Variants in GABRR3 observed in about 807,000 individuals in gnomAD.
GABRR3 encodes the protein gamma-aminobutyric acid type A receptor subunit rho3.
A neutral mutation model predicts 43.2 loss-of-function variants in GABRR3; 29 were observed. That is an observed-to-expected ratio of 0.67 (90% CI 0.50 to 0.92). GABRR3 has a LOEUF of 0.92. Among genes scored for constraint, GABRR3 ranks in the 40% least tolerant of loss-of-function variants. GABRR3 has a pLI of 0.00. For missense variants in GABRR3, 576 were observed against 572.3 expected (o/e 1.01, Z -0.07); for synonymous variants, 206 against 195.9 (o/e 1.05, Z -0.43).
At chr3:98,022,080 G>A (rs832037) in intron 3 of GABRR3, among the ~76,000 whole-genome samples, 117,710 of 152,080 alleles carry the variant, frequency 0.77, 45,969 homozygotes, top group East Asian at 0.99. Context: ...CAAAGACTGT[G>A]CAAGCAGCTT....
chr3:98,010,417 A>G (rs1300601446), intron 5 of GABRR3, among the ~76,000 whole-genome samples: 2 of 152,284 alleles, frequency 1.3e-5, no homozygotes, highest in Non-Finnish European at 2.9e-5. Flanking sequence ...CCACATAGTA[A>G]TGACTGACCA....
intron 2 of GABRR3, among the ~76,000 whole-genome samples, chr3:98,033,514 G>T (rs1707116723): frequency 6.6e-6 from 1 of 152,104 alleles, no homozygotes; most frequent in Non-Finnish European, 1.5e-5. Context: ...TAGCAACTCT[G>T]CCACTGATAG....
intron 9 of GABRR3, among the ~76,000 whole-genome samples, chr3:97,989,273 A>G: frequency 1.7e-5 from 2 of 120,890 alleles, no homozygotes; most frequent in African/African-American, 3.2e-5. Flanking sequence ...GGTGGTGGGG[A>G]TGGTGGTGGT....
chr3:98,016,879 A>G (rs1172156399), intron 4 of GABRR3, among the ~76,000 whole-genome samples: 1 of 152,224 alleles, frequency 6.6e-6, no homozygotes, highest in East Asian at 1.9e-4. Flanking sequence ...GGGAATAGAG[A>G]AAATAAAATG....
At chr3:97,989,725 C>T (rs181233416) in intron 9 of GABRR3, among the ~76,000 whole-genome samples, 47 of 152,064 alleles carry the variant, frequency 3.1e-4, no homozygotes, top group Admixed American at 1.6e-3. Flanking sequence ...CATTGGTGTC[C>T]AGGTCTTTTC....
chr3:98,022,857 A>G (rs1018818133), intron 3 of GABRR3, among the ~76,000 whole-genome samples: 1 of 152,198 alleles, frequency 6.6e-6, no homozygotes, highest in African/African-American at 2.4e-5. Flanking sequence ...AGTATTTTTA[A>G]AAAAATGCAT....
chr3:98,000,371 G>C (rs1298352275), intron 8 of GABRR3: 1 of 152,118 alleles, frequency 6.6e-6, no homozygotes, highest in Non-Finnish European at 1.5e-5. Flanking sequence ...TATAGACTGA[G>C]TGCTTTCCTC....
chr3:97,994,504 T>C (rs1706510150), intron 8 of GABRR3, among the ~76,000 whole-genome samples: 1 of 152,284 alleles, frequency 6.6e-6, no homozygotes, highest in East Asian at 1.9e-4. Flanking sequence ...CCCCCAACAA[T>C]GGTACTATCA....
At chr3:98,009,179 G>T in intron 5 of GABRR3, 141 bp from the exon 6 acceptor site, 1 of 556,390 alleles carries the variant, frequency 1.8e-6, no homozygotes, top group Non-Finnish European at 3.2e-6. Context: ...ATTATCTTCT[G>T]TCCAAATGAC....
intron 7 of GABRR3, among the ~76,000 whole-genome samples, chr3:98,004,931 A>AT (rs1706705043): frequency 6.6e-6 from 1 of 152,104 alleles, no homozygotes; most frequent in South Asian, 2.1e-4. Context: ...ATGTTTAATG[A>AT]TTCGTGGATA....
chr3:97,985,990 C>A (rs1192774118), downstream of GABRR3, among the ~76,000 whole-genome samples: 1 of 152,080 alleles, frequency 6.6e-6, no homozygotes, highest in Non-Finnish European at 1.5e-5. Context: ...CCTCAGCCTC[C>A]CAAGTAGCAC....
chr3:97,989,859 A>G (rs1271931624), intron 9 of GABRR3, among the ~76,000 whole-genome samples: 1 of 152,156 alleles, frequency 6.6e-6, no homozygotes, highest in Non-Finnish European at 1.5e-5. Flanking sequence ...CCTCCTGCTC[A>G]CAGACCTAAG....
intron 7 of GABRR3, among the ~76,000 whole-genome samples, chr3:98,004,592 C>A (rs1297472990): frequency 6.7e-6 from 1 of 150,278 alleles, no homozygotes; most frequent in African/African-American, 2.5e-5. Flanking sequence ...AGAAAGGGAT[C>A]AGGAGGCAGA....
intron 7 of GABRR3, among the ~76,000 whole-genome samples, chr3:98,003,281 ATAAGGAAAACC>A (rs1361146259): frequency 6.6e-6 from 1 of 152,176 alleles, no homozygotes; most frequent in African/African-American, 2.4e-5. Flanking sequence ...GTTAAAAGAA[ATAAGGAAAACC>A]TGTGAAAGAA....
At chr3:98,007,875 A>G in exon 7 of GABRR3, 2 of 1,595,902 alleles carry the variant, frequency 1.3e-6, no homozygotes, top group South Asian at 1.1e-5. Context: ...TGTTTCCAGT[A>G]TAGCATTAGG....
chr3:97,993,751 CT>C (rs1217442512), intron 8 of GABRR3, among the ~76,000 whole-genome samples: 1 of 151,936 alleles, frequency 6.6e-6, no homozygotes, highest in African/African-American at 2.4e-5. Context: ...CCTCCCTTCC[CT>C]CCCCCTCTTC....
At chr3:98,008,002 C>T (rs1706744047) in intron 6 of GABRR3, 98 bp from the exon 7 acceptor site, 7 of 962,288 alleles carry the variant, frequency 7.3e-6, no homozygotes, top group Non-Finnish European at 1.1e-5. Context: ...TCCTTAGTGC[C>T]TACTCCAATG....
Position 98,012,548 on chromosome 3 carries a change from T to TA in GABRR3, c.325dup (p.Tyr109LeufsTer15). 6.2e-7 allele frequency: 1 copy of TA among 1,613,300 alleles called. No homozygotes were observed. The highest frequency in any genetic ancestry group is 8.5e-7 in the Non-Finnish European group (1 of 1,179,690). On this transcript the variant is annotated frameshift_variant, in exon 5 of 10. Coordinates refer to ENST00000621172, the Ensembl canonical transcript of GABRR3. LOFTEE classifies it high-confidence loss of function. Reference sequence around the variant, plus strand: ...CTCGTCTTTCCAGTAATGCCTGAGATAAAAAGTCATTGTAAAGTCCTAGAC... The same window carrying TA: ...CTCGTCTTTCCAGTAATGCCTGAGATAAAAAAGTCATTGTAAAGTCCTAGAC...
At chr3:98,021,234 G>T (rs574716986) in intron 3 of GABRR3, among the ~76,000 whole-genome samples, 1 of 151,982 alleles carries the variant, frequency 6.6e-6, no homozygotes, top group Non-Finnish European at 1.5e-5. Context: ...ACTGTATTAC[G>T]CTCTAGCATT....
Sources: allele counts gnomAD v4.1 joint callset (sites outside exome capture counted in the v4.1 genomes callset), GRCh38; gene constraint gnomAD v4.1.1; transcripts MANE v1.5; gene names NCBI Gene and HGNC (gene_info 2026-07-23, HGNC 2026-07-21).